KCND3: variants seen among roughly 807,000 people sequenced by gnomAD.
KCND3 encodes the protein potassium voltage-gated channel subfamily D member 3.
Under a neutral mutation model 51.1 loss-of-function variants are expected in KCND3, and 9 were observed. The ratio of observed to expected loss-of-function variants is 0.18; its 90% CI spans 0.11 to 0.31. The LOEUF (loss-of-function observed/expected upper bound fraction) is 0.31, where lower values mean the gene tolerates loss of function less well. KCND3 is among the 10% of genes least tolerant of loss of function. The probability of loss-of-function intolerance (pLI) is 1.00; values close to 1 mark genes in which losing one functional copy is unlikely to be tolerated. For missense variants in KCND3, 526 were observed against 903.8 expected, an observed-to-expected ratio of 0.58 and a Z score of 5.36; for synonymous variants, 349 against 368.0, an observed-to-expected ratio of 0.95 and a Z score of 0.59.
intron 2 of KCND3, among the ~76,000 whole-genome samples, chr1:111,821,507 A>G (rs1157116647): frequency 6.6e-6 from 1 of 152,180 alleles, no homozygotes; most frequent in African/African-American, 2.4e-5. Context: ...GAGGACTCAG[A>G]GATGCCTGGT....
rs1371415722 is a variant in KCND3, at chr1:111,981,466, G to A, written c.1106+155C>T. ...CCACCCCCAAACAGATGACTCATGG[G>A]CTTTACCCTTCGGATAGAGCAACTT... is the stretch of plus-strand genomic sequence containing the variant. On this transcript the variant is annotated intron_variant, in intron 2 of 7. Transcript: ENST00000302127. The surrounding 1 kb of genome is among the most constrained non-coding windows in gnomAD (Gnocchi z 6.2). Among the ~76,000 whole-genome samples the A allele has an allele frequency of 6.6e-6, 1 of 152,124 alleles. No homozygotes were observed. Among genetic ancestry groups the A allele is most frequent in the Non-Finnish European group, 1.5e-5 (1 of 68,024 alleles).
chr1:111,780,325 A>G lies in KCND3; in HGVS notation c.1372-11T>C. ...CTCTTCTGGGGTGCCCTAGTAAAAA[A>G]AGAAGAGAGATTGAGTAAAAAGCTG... On this transcript the variant is annotated splice_polypyrimidine_tract_variant and intron_variant, in intron 4 of 7. Coordinates refer to ENST00000302127, the MANE Select transcript of KCND3 (RefSeq NM_001378969.1). This position sits in a 1 kb window ranked among gnomAD's most constrained non-coding sequence, Gnocchi z 4.2. 6.4e-7 allele frequency: 1 copy of G among 1,556,874 alleles called. No homozygotes were observed. Among genetic ancestry groups the G allele is most frequent in the Non-Finnish European group, 8.7e-7 (1 of 1,149,196 alleles).
At chr1:111,807,048 C>T (rs997441139) in intron 2 of KCND3, among the ~76,000 whole-genome samples, 1 of 152,184 alleles carries the variant, frequency 6.6e-6, no homozygotes, top group Non-Finnish European at 1.5e-5. Context: ...AATTAAAATC[C>T]TCTCTGGAGG....
chr1:111,964,274 G>A (rs1673837330), intron 2 of KCND3, among the ~76,000 whole-genome samples: 1 of 152,198 alleles, frequency 6.6e-6, no homozygotes, highest in South Asian at 2.1e-4. Flanking sequence ...TGGCCCAGCT[G>A]GGACGCTGAG....
rs1429282842 is a variant in KCND3, at chr1:111,927,618, TCTTCTCTTTGC to T, written c.1106+53992_1106+54002del. 5.9e-5 allele frequency among the ~76,000 whole-genome samples: 9 copies of T among 152,328 alleles called. 1 individual carries two copies. The highest frequency in any genetic ancestry group is 1.5e-5 in the Non-Finnish European group (1 of 68,030). Reference sequence around the variant, plus strand: ...CAATGCTTATATGCATTTCTCTCTTTCTTCTCTTTGCCTTCTCTTCCTCCCTCTTTCCTCCT... The same window carrying T: ...CAATGCTTATATGCATTTCTCTCTTTCTTCTCTTCCTCCCTCTTTCCTCCT... On this transcript the variant is annotated intron_variant, in intron 2 of 7. Transcript: ENST00000302127.
chr1:111,863,659 G>A (rs1668431413), intron 2 of KCND3, among the ~76,000 whole-genome samples: 1 of 152,222 alleles, frequency 6.6e-6, no homozygotes, highest in South Asian at 2.1e-4. Context: ...GGGACTTAGG[G>A]AGGCTCTGGT....
chr1:111,967,781 T>G (rs1674090083), intron 2 of KCND3, among the ~76,000 whole-genome samples: 1 of 152,162 alleles, frequency 6.6e-6, no homozygotes, highest in Non-Finnish European at 1.5e-5. Flanking sequence ...GGCTAGTAGA[T>G]GAGAATTCAT....
chr1:111,778,361 G>T, intron 6 of KCND3, 75 bp downstream of exon 6: 1 of 1,376,358 alleles, frequency 7.3e-7, no homozygotes, highest in Admixed American at 1.7e-5. Flanking sequence ...CAGGCCGGGG[G>T]GTAAAAAGGG....
chr1:111,931,582 G>T (rs985143616), intron 2 of KCND3, among the ~76,000 whole-genome samples: 1 of 152,196 alleles, frequency 6.6e-6, no homozygotes, highest in Non-Finnish European at 1.5e-5. Flanking sequence ...TGAATAAGTT[G>T]CTTAACCTCT....
At chr1:111,811,032 G>C (rs1665824487) in intron 2 of KCND3, among the ~76,000 whole-genome samples, 1 of 152,232 alleles carries the variant, frequency 6.6e-6, no homozygotes, top group Non-Finnish European at 1.5e-5. Flanking sequence ...CCCGGCTGCT[G>C]TGGCATCTTC....
intron 2 of KCND3, chr1:111,909,411 A>G (rs542948068): frequency 2.0e-5 from 3 of 152,206 alleles, no homozygotes; most frequent in Non-Finnish European, 4.4e-5. Context: ...AGGGATCGAG[A>G]GTCAGAGGGA....
In KCND3 at chr1:111,780,096, C is replaced by G. The variant is rs1248649954; in HGVS notation, c.1461+129G>C. On this transcript the variant is annotated intron_variant, in intron 5 of 7. Coordinates refer to ENST00000302127, the MANE Select transcript of KCND3 (RefSeq NM_001378969.1). The surrounding 1 kb of genome is among the most constrained non-coding windows in gnomAD (Gnocchi z 4.2). ...GTCTTCCACCTGAGGGCCAGTAGAT[C>G]CCATCACTACCTTTTGGATCTGAAG... The G allele has an allele frequency of 9.7e-7, 1 of 1,029,582 alleles. No homozygotes were observed. Among genetic ancestry groups the G allele is most frequent in the African/African-American group, 1.6e-5 (1 of 62,868 alleles). 63.8% of individuals were successfully genotyped at this position (1,029,582 alleles called of 1,614,324 possible). A position where few individuals can be genotyped will look rare whatever the true frequency, so the allele number is the denominator to read the frequency against.
At chr1:111,779,310 C>G (rs189070559) in intron 5 of KCND3, among the ~76,000 whole-genome samples, 18 of 152,114 alleles carry the variant, frequency 1.2e-4, no homozygotes, top group African/African-American at 3.4e-4. Flanking sequence ...CCCCACACCC[C>G]CCTCCCCACC....
In KCND3 at chr1:111,780,222, C is replaced by T; in HGVS notation, c.1461+3G>A. 1 of 1,581,022 alleles carries T rather than the reference C, an allele frequency of 6.3e-7. No individual in the cohort carries two copies. The highest frequency in any genetic ancestry group is 8.6e-7 in the Non-Finnish European group (1 of 1,162,600). On this transcript the variant is annotated splice_donor_region_variant and intron_variant, in intron 5 of 7. Transcript: ENST00000302127. This position sits in a 1 kb window ranked among gnomAD's most constrained non-coding sequence, Gnocchi z 4.2. ...AAGGAGGTGGCAAAGGGCTGGGACT[C>T]ACAGTGGTTTTTTCCAGGCAGTGCA...
intron 2 of KCND3, among the ~76,000 whole-genome samples, chr1:111,867,928 G>C (rs535642194): frequency 5.3e-5 from 8 of 152,344 alleles, no homozygotes; most frequent in Middle Eastern, 6.8e-3. Flanking sequence ...AGGTGACATG[G>C]AGGAAGTCGC....
At chr1:111,914,678 A>G (rs910455970) in intron 2 of KCND3, among the ~76,000 whole-genome samples, 1 of 152,228 alleles carries the variant, frequency 6.6e-6, no homozygotes, top group African/African-American at 2.4e-5. Context: ...CAAAAATATC[A>G]ATCAGAGATG....
In KCND3 at chr1:111,877,228, G is replaced by C. The variant is rs547276931; in HGVS notation, c.1107-90122C>G. Among the ~76,000 whole-genome samples the C allele has an allele frequency of 4.6e-5, 7 of 152,366 alleles. No individual in the cohort carries two copies. The South Asian group carries it at 1.4e-3, about 32-fold the overall frequency. On this transcript the variant is annotated intron_variant, in intron 2 of 7. Transcript: ENST00000302127. ...GCACTCCCGTGAAGTGCCAGGCACTGTGCCAGGGGCTTGCGAGTTGTCCTT... is the reference window on the plus strand; with the variant it reads ...GCACTCCCGTGAAGTGCCAGGCACTCTGCCAGGGGCTTGCGAGTTGTCCTT...
In KCND3 at chr1:111,941,379, AG is replaced by A. The variant is rs1425281115; in HGVS notation, c.1106+40241del. Among the ~76,000 whole-genome samples, 4 of 152,154 alleles carry A rather than the reference AG, an allele frequency of 2.6e-5. No homozygotes were observed. The East Asian group carries it at 7.7e-4, about 29-fold the overall frequency. Reference sequence around the variant, plus strand: ...CTCTCTGCAAGCAGCAGGGCTGAACAGGTCTTCAGGGATATATAATCTGGGA... The same window carrying A: ...CTCTCTGCAAGCAGCAGGGCTGAACAGTCTTCAGGGATATATAATCTGGGA... On this transcript the variant is annotated intron_variant, in intron 2 of 7. Coordinates refer to ENST00000302127, the MANE Select transcript of KCND3 (RefSeq NM_001378969.1).
At chr1:111,858,526 C>T (rs887717066) in intron 2 of KCND3, among the ~76,000 whole-genome samples, 4 of 152,068 alleles carry the variant, frequency 2.6e-5, no homozygotes, top group Non-Finnish European at 5.9e-5. Flanking sequence ...CAAATATAAT[C>T]CAGACTAAAT....
Sources: gnomAD v4.1 joint callset for allele counts (sites outside exome capture counted in the v4.1 genomes callset) on GRCh38, gnomAD v4.1.1 for gene constraint, Gnocchi (gnomAD v3.1) non-coding constraint, MANE v1.5 for transcripts, NCBI Gene and HGNC (gene_info 2026-07-23, HGNC 2026-07-21) for gene names.